ASB5: variants seen among roughly 807,000 people sequenced by gnomAD.
ASB5 encodes the protein ankyrin repeat and SOCS box protein 5.
Under a neutral mutation model 42.1 loss-of-function variants are expected in ASB5, and 45 were observed. The observed-to-expected ratio is 1.07, with a 90% CI of 0.84 to 1.37. ASB5 has a LOEUF of 1.37. ASB5 is among the 40% of genes most tolerant of loss of function. ASB5 has a pLI of 0.00. For synonymous variants in ASB5, 147 were observed against 150.6 expected (o/e 0.98, Z 0.18); for missense variants, 402 against 399.8 (o/e 1.01, Z -0.05).
At chr4:176,220,028 AAAAC>A (rs1294719753) in intron 5 of ASB5, among the ~76,000 whole-genome samples, 5 of 152,176 alleles carry the variant, frequency 3.3e-5, no homozygotes, top group African/African-American at 1.2e-4. Flanking sequence ...CTGATGAGCT[AAAAC>A]AAACAAACAA....
chr4:176,218,320 A>ATGAT (rs1369537246), intron 5 of ASB5, among the ~76,000 whole-genome samples: 4 of 84,748 alleles, frequency 4.7e-5, no homozygotes, highest in Non-Finnish European at 4.5e-5. Context: ...ATATATTTGT[A>ATGAT]TGATATATAT....
In ASB5 at chr4:176,215,517, T is replaced by C. The variant is rs1265017629; in HGVS notation, c.*83A>G. 7.1e-7 allele frequency: 1 copy of C among 1,409,112 alleles called. No homozygotes were observed. The highest frequency in any genetic ancestry group is 1.5e-5 in the African/African-American group (1 of 68,958). 87.3% of individuals were successfully genotyped at this position (1,409,112 alleles called of 1,614,324 possible). Reference sequence around the variant, plus strand: ...CTCACACTCACTTTTATCCTATCTTTAGCATATTTTTATATGAACTATTCC... The same window carrying C: ...CTCACACTCACTTTTATCCTATCTTCAGCATATTTTTATATGAACTATTCC... On this transcript the variant is annotated 3_prime_UTR_variant, in exon 7 of 7. Coordinates refer to ENST00000296525, the MANE Select transcript of ASB5 (RefSeq NM_080874.4).
intron 1 of ASB5, among the ~76,000 whole-genome samples, chr4:176,242,672 A>C (rs1753833900): frequency 6.6e-6 from 1 of 152,224 alleles, no homozygotes; most frequent in Non-Finnish European, 1.5e-5. Context: ...CTGTCCAAAG[A>C]ACCAGCTTTT....
At chr4:176,240,408 A>T (rs1753786968) in intron 1 of ASB5, among the ~76,000 whole-genome samples, 1 of 152,138 alleles carries the variant, frequency 6.6e-6, no homozygotes. Flanking sequence ...CCCTGAAAAC[A>T]TGGGGACCTG....
At chr4:176,269,583 C>A (rs1198910043), upstream of ASB5, among the ~76,000 whole-genome samples, 1 of 152,100 alleles carries the variant, frequency 6.6e-6, no homozygotes, top group African/African-American at 2.4e-5. Context: ...AGTACACAGT[C>A]CATGGCTTGT....
intron 1 of ASB5, among the ~76,000 whole-genome samples, chr4:176,262,796 C>T (rs116117984): frequency 0.012 from 1,853 of 152,136 alleles, 35 homozygotes; most frequent in African/African-American, 0.042. Context: ...AAATGAGCAA[C>T]TAACTGAATG....
intron 1 of ASB5, among the ~76,000 whole-genome samples, chr4:176,267,264 C>T (rs1446166812): frequency 6.6e-6 from 1 of 152,116 alleles, no homozygotes. Context: ...GTTTTGTACA[C>T]AAATATTCCA....
At chr4:176,217,585 C>A (rs6553933) in intron 5 of ASB5, among the ~76,000 whole-genome samples, 57,770 of 151,750 alleles carry the variant, frequency 0.38, 11,280 homozygotes, top group Non-Finnish European at 0.43. Context: ...GATATTGAGC[C>A]TTTTAAATCA....
At chr4:176,229,844 C>T (rs1277213907) in intron 1 of ASB5, among the ~76,000 whole-genome samples, 2 of 152,216 alleles carry the variant, frequency 1.3e-5, no homozygotes, top group East Asian at 1.9e-4. Context: ...AAGGCACATG[C>T]TATCATTTCA....
rs1377312915 is a variant in ASB5, at chr4:176,269,171, G to C, written c.-63C>G. The C allele has an allele frequency of 1.3e-6, 2 of 1,481,636 alleles. No homozygotes were observed. Among genetic ancestry groups the C allele is most frequent in the Non-Finnish European group, 1.8e-6 (2 of 1,084,326 alleles). 91.8% of individuals were successfully genotyped at this position (1,481,636 alleles called of 1,614,324 possible). The stretch of plus-strand genomic sequence containing the variant: ...CAAGTCTCAAATGTGCCTGGCTCTC[G>C]TCCGGGATGCTCCTGAACAGCTGGT... On this transcript the variant is annotated 5_prime_UTR_variant, in exon 1 of 7. Coordinates refer to ENST00000296525, the MANE Select transcript of ASB5 (RefSeq NM_080874.4).
intron 2 of ASB5, among the ~76,000 whole-genome samples, chr4:176,224,888 A>T (rs1173992749): frequency 6.6e-6 from 1 of 152,220 alleles, no homozygotes; most frequent in East Asian, 1.9e-4. Flanking sequence ...TTGGCATCTG[A>T]ACTGGTGACT....
At chr4:176,260,469 C>T (rs1334062108) in intron 1 of ASB5, among the ~76,000 whole-genome samples, 1 of 152,152 alleles carries the variant, frequency 6.6e-6, no homozygotes, top group Non-Finnish European at 1.5e-5. Flanking sequence ...TCACAGACCA[C>T]CTGGAAGATT....
intron 5 of ASB5, among the ~76,000 whole-genome samples, chr4:176,217,291 CATA>C (rs1753000351): frequency 6.6e-6 from 1 of 152,048 alleles, no homozygotes; most frequent in South Asian, 2.1e-4. Context: ...CTTGAACTAT[CATA>C]ATAAAATTCT....
chr4:176,219,212 G>A (rs62653451), intron 5 of ASB5, among the ~76,000 whole-genome samples: 1 of 98,822 alleles, frequency 1.0e-5, no homozygotes, highest in Non-Finnish European at 1.9e-5. Flanking sequence ...TTGTATGACA[G>A]ATAAATATAT....
Position 176,268,896 on chromosome 4 carries a change from G to T in ASB5, c.196+17C>A, listed in dbSNP as rs1242823477. ...TTAAACTCCACTTGAAACAAGAGAG[G>T]ATTATCATAAACATACCTTGTCCTT... On this transcript the variant is annotated intron_variant, in intron 1 of 6. Transcript: ENST00000296525. 1 of 1,552,668 alleles carries T rather than the reference G, an allele frequency of 6.4e-7. No individual in the cohort carries two copies.
intron 1 of ASB5, among the ~76,000 whole-genome samples, chr4:176,232,026 A>G (rs1200291566): frequency 6.6e-6 from 1 of 151,998 alleles, no homozygotes; most frequent in African/African-American, 2.4e-5. Flanking sequence ...AATTATAAGG[A>G]GAGGGAATAA....
intron 1 of ASB5, among the ~76,000 whole-genome samples, chr4:176,237,912 T>C (rs1481458274): frequency 6.6e-6 from 1 of 152,148 alleles, no homozygotes; most frequent in Non-Finnish European, 1.5e-5. Context: ...TCCTTCATCC[T>C]CAGGAGTAAG....
At chr4:176,222,853 C>T (rs1212095392) in intron 2 of ASB5, among the ~76,000 whole-genome samples, 1 of 152,182 alleles carries the variant, frequency 6.6e-6, no homozygotes, top group Non-Finnish European at 1.5e-5. Context: ...TCTCGGCTCA[C>T]TGCAAGCTCC....
chr4:176,253,870 T>G (rs1447348243), intron 1 of ASB5, among the ~76,000 whole-genome samples: 1 of 152,146 alleles, frequency 6.6e-6, no homozygotes, highest in Non-Finnish European at 1.5e-5. Flanking sequence ...GGGTGAAAGA[T>G]CTCTATGAGG....
Sources: allele counts gnomAD v4.1 joint callset (sites outside exome capture counted in the v4.1 genomes callset), GRCh38; gene constraint gnomAD v4.1.1; transcripts MANE v1.5; gene names NCBI Gene and HGNC (gene_info 2026-07-23, HGNC 2026-07-21).